Variants in ARMC3 observed in about 807,000 individuals in gnomAD.
ARMC3 encodes the protein armadillo repeat containing 3.
ARMC3 carries 74 observed loss-of-function variants against 90.3 expected under a neutral mutation model. The ratio of observed to expected loss-of-function variants is 0.82; its 90% CI spans 0.68 to 0.99. ARMC3 has a LOEUF of 0.99. ARMC3 is among the 50% of genes least tolerant of loss of function. The pLI is 0.00. For synonymous variants in ARMC3, 334 were observed against 361.8 expected, an observed-to-expected ratio of 0.92 and a Z score of 0.87; for missense variants, 958 against 1,042.8, an observed-to-expected ratio of 0.92 and a Z score of 1.12.
At chr10:22,962,136 A>G in intron 7 of ARMC3, 58 bp downstream of exon 7, 1 of 1,280,500 alleles carries the variant, frequency 7.8e-7, no homozygotes, top group Non-Finnish European at 1.0e-6. Context: ...CCAAATGTTT[A>G]AAAATGAAAT....
intron 10 of ARMC3, among the ~76,000 whole-genome samples, chr10:22,983,743 T>A (rs1162620704): frequency 1.3e-5 from 2 of 152,230 alleles, no homozygotes; most frequent in African/African-American, 4.8e-5. Flanking sequence ...CAAAAGATTC[T>A]GGAGTCAATC....
At chr10:22,951,508 A>T (rs756796999) in intron 3 of ARMC3, among the ~76,000 whole-genome samples, 77 of 152,242 alleles carry the variant, frequency 5.1e-4, no homozygotes, top group Admixed American at 1.4e-3. Flanking sequence ...CAAATAGATC[A>T]TATTCTAGGC....
intron 7 of ARMC3, 82 bp downstream of exon 7, chr10:22,962,160 ACGTG>A: frequency 9.2e-7 from 1 of 1,083,340 alleles, no homozygotes; most frequent in Non-Finnish European, 1.2e-6. Context: ...ATTATACTTA[ACGTG>A]TATTAAGTGT....
intron 4 of ARMC3, 21 bp from the exon 5 acceptor site, chr10:22,959,049 A>ACT: frequency 6.5e-7 from 1 of 1,548,084 alleles, no homozygotes; most frequent in East Asian, 2.2e-5. Context: ...AAACATCAAT[A>ACT]CTCTGTTTCT....
At chr10:22,945,668 T>C (rs901863506) in intron 2 of ARMC3, among the ~76,000 whole-genome samples, 6 of 152,182 alleles carry the variant, frequency 3.9e-5, no homozygotes, top group Admixed American at 3.3e-4. Flanking sequence ...TGGAATAAAA[T>C]ATATACAGGT....
At chr10:22,959,730 G>A in intron 6 of ARMC3, 156 bp downstream of exon 6, 1 of 726,600 alleles carries the variant, frequency 1.4e-6, no homozygotes, top group South Asian at 2.0e-5. Flanking sequence ...AATAATGGAA[G>A]CTTAATGTAG....
In ARMC3 at chr10:22,958,137, C is replaced by G. The variant is rs567774928; in HGVS notation, c.293-933C>G. Among the ~76,000 whole-genome samples, 5 of 152,198 alleles carry G rather than the reference C, an allele frequency of 3.3e-5. No individual in the cohort carries two copies. In the South Asian group the frequency reaches 1.0e-3, roughly 32 times the overall value. ...TATTTTAAAAGTAGGATATATATCTCAAAGCATTAGTTTATTTGCCCCAAA... is the reference window on the plus strand; with the variant it reads ...TATTTTAAAAGTAGGATATATATCTGAAAGCATTAGTTTATTTGCCCCAAA... On this transcript the variant is annotated intron_variant, in intron 4 of 18. Transcript: ENST00000298032.
chr10:22,930,598 C>T (rs1379172503), intron 1 of ARMC3, among the ~76,000 whole-genome samples: 1 of 152,170 alleles, frequency 6.6e-6, no homozygotes, highest in Non-Finnish European at 1.5e-5. Flanking sequence ...AAATGCCTTT[C>T]AGAAGTATCT....
chr10:23,017,078 T>TTA (rs577019926), intron 16 of ARMC3, among the ~76,000 whole-genome samples: 5 of 8,850 alleles, frequency 5.6e-4, no homozygotes, highest in African/African-American at 9.2e-4. Context: ...CAATTTATTA[T>TTA]TTTTTTTTTT....
At chr10:22,935,902 C>T (rs528091151) in intron 2 of ARMC3, among the ~76,000 whole-genome samples, 89 of 152,180 alleles carry the variant, frequency 5.8e-4, no homozygotes, top group Non-Finnish European at 1.0e-3. Flanking sequence ...CTGTCTACCT[C>T]CTCCTGTTTA....
Position 22,932,021 on chromosome 10 carries a change from G to A in ARMC3, c.25G>A (p.Val9Ile), listed in dbSNP as rs148928386. Residue 9 changes from valine (V) to isoleucine (I), a missense_variant, in exon 2 of 19, where the codon GTA (valine) becomes ATA (isoleucine). Val to Ile is a conservative substitution (Grantham distance 29). Coordinates refer to ENST00000298032, the MANE Select transcript of ARMC3 (RefSeq NM_173081.5). ...GATGGGTAAAAAGATAAAGAAGGAA[G>A]TAGAGCCTCCTCCTAAGGATGTGGT... MGKKIKKEVEPPPKDVFDP... is the reference protein window; with the variant it reads MGKKIKKEIEPPPKDVFDP... 1 of 1,604,964 alleles carries A rather than the reference G, an allele frequency of 6.2e-7. No individual in the cohort carries two copies. The highest frequency in any genetic ancestry group is 8.5e-7 in the Non-Finnish European group (1 of 1,177,278).
intron 16 of ARMC3, among the ~76,000 whole-genome samples, chr10:23,025,459 A>C (rs1026010095): frequency 3.3e-5 from 5 of 152,146 alleles, no homozygotes; most frequent in Admixed American, 6.6e-5. Context: ...GAAAATCTCT[A>C]AACAAGTGAA....
At position 22,968,389 on chromosome 10, in the gene ARMC3, G is replaced by C; in HGVS notation, c.816G>C (p.Gln272His). 2.5e-6 allele frequency: 4 copies of C among 1,613,822 alleles called. No homozygotes were observed. The highest frequency in any genetic ancestry group is 3.4e-6 in the Non-Finnish European group (4 of 1,179,886). Residue 272 changes from glutamine to histidine, a missense_variant, in exon 8 of 19, where the codon CAG becomes CAC. Physicochemically the swap from Gln to His is conservative, Grantham distance 24. Coordinates refer to ENST00000298032, the MANE Select transcript of ARMC3 (RefSeq NM_173081.5). ...TGGATACTATGGTGCAGATTCAGCA[G>C]ACAGGGGGTCTTAAAAAGCTCCTGT... ...EDMDTMVQIQ[Q>H]TGGLKKLLSF...
chr10:23,014,493 A>G (rs1838175663), intron 16 of ARMC3: 1 of 1,015,696 alleles, frequency 9.8e-7, no homozygotes, highest in Admixed American at 5.2e-5. Context: ...CTGAAAAGCC[A>G]TTGGGAATAT....
chr10:23,017,229 T>C (rs1328529735), intron 16 of ARMC3, among the ~76,000 whole-genome samples: 1 of 152,184 alleles, frequency 6.6e-6, no homozygotes, highest in Non-Finnish European at 1.5e-5. Context: ...AAATATAATA[T>C]TTAATTAGAA....
At chr10:22,966,498 A>C (rs1315848918) in intron 7 of ARMC3, among the ~76,000 whole-genome samples, 1 of 152,244 alleles carries the variant, frequency 6.6e-6, no homozygotes, top group African/African-American at 2.4e-5. Flanking sequence ...AGGTCTGGGC[A>C]TAGTTTATAC....
intron 7 of ARMC3, among the ~76,000 whole-genome samples, chr10:22,967,099 A>G (rs1217991511): frequency 6.6e-6 from 1 of 152,022 alleles, no homozygotes; most frequent in African/African-American, 2.4e-5. Flanking sequence ...GACCCAGAGA[A>G]GTGTTGTAAT....
intron 16 of ARMC3, among the ~76,000 whole-genome samples, chr10:23,015,036 G>C (rs1219178240): frequency 6.6e-6 from 1 of 152,024 alleles, no homozygotes; most frequent in African/African-American, 2.4e-5. Flanking sequence ...GAGAGATACT[G>C]ACAGAATAAT....
chr10:22,961,930 C>G lies in ARMC3; in HGVS notation c.584C>G (p.Pro195Arg). ...CTTCAAGAACTAAATGCAATACCTC[C>G]TATCTTAGATCTCTTGAAGTCAGAA... ...AKLQELNAIP[P>R]ILDLLKSEYP... Residue 195 changes from proline (P) to arginine (R), a missense_variant, in exon 7 of 19, where the codon CCT becomes CGT. Pro to Arg is a moderately radical substitution (Grantham distance 103, BLOSUM62 -2). Transcript: ENST00000298032. 6.2e-7 allele frequency: 1 copy of G among 1,611,376 alleles called. No individual in the cohort carries two copies.
Sources: gnomAD v4.1 joint callset for allele counts (sites outside exome capture counted in the v4.1 genomes callset) on GRCh38, gnomAD v4.1.1 for gene constraint, MANE v1.5 for transcripts, NCBI Gene and HGNC (gene_info 2026-07-23, HGNC 2026-07-21) for gene names.